CFAP299: variants seen among roughly 807,000 people sequenced by gnomAD.
CFAP299 encodes the protein cilia- and flagella-associated protein 299.
CFAP299 carries 21 observed loss-of-function variants against 27.0 expected under a neutral mutation model. The ratio of observed to expected loss-of-function variants is 0.78; its 90% CI spans 0.55 to 1.12. The LOEUF (loss-of-function observed/expected upper bound fraction) is 1.12. Among genes scored for constraint, CFAP299 ranks in the 50% most tolerant of loss-of-function variants. The pLI, the probability that CFAP299 is intolerant of heterozygous loss-of-function variation, is 0.00. For synonymous variants in CFAP299, 104 were observed against 98.1 expected (o/e 1.06, Z -0.36); for missense variants, 310 against 276.6 (o/e 1.12, Z -0.86).
chr4:80,697,113 G>A (rs1721149246), intron 3 of CFAP299, among the ~76,000 whole-genome samples: 1 of 152,140 alleles, frequency 6.6e-6, no homozygotes, highest in Non-Finnish European at 1.5e-5. Flanking sequence ...GGAGGCCAAG[G>A]CAGGAGGATT....
chr4:80,726,557 A>T (rs1468497890), intron 3 of CFAP299, among the ~76,000 whole-genome samples: 1 of 151,994 alleles, frequency 6.6e-6, no homozygotes, highest in Non-Finnish European at 1.5e-5. Context: ...AAAGGAAAAG[A>T]AACTGTATCA....
intron 3 of CFAP299, among the ~76,000 whole-genome samples, chr4:80,590,020 T>TA (rs1736642557): frequency 6.6e-6 from 1 of 152,192 alleles, no homozygotes; most frequent in African/African-American, 2.4e-5. Flanking sequence ...GCATTGCTCA[T>TA]AATAGCAGCA....
intron 1 of CFAP299, among the ~76,000 whole-genome samples, chr4:80,356,311 A>C (rs1299195389): frequency 6.6e-6 from 1 of 152,196 alleles, no homozygotes; most frequent in Non-Finnish European, 1.5e-5. Context: ...TATCCTGACT[A>C]TATGAGCCCT....
intron 3 of CFAP299, among the ~76,000 whole-genome samples, chr4:80,859,065 C>G (rs1022753672): frequency 3.9e-5 from 6 of 152,160 alleles, no homozygotes; most frequent in Non-Finnish European, 5.9e-5. Flanking sequence ...GTAGGTCACT[C>G]AGGAGTTGCT....
chr4:80,466,019 A>G (rs1560579832), intron 2 of CFAP299, among the ~76,000 whole-genome samples: 1 of 152,262 alleles, frequency 6.6e-6, no homozygotes, highest in East Asian at 1.9e-4. Flanking sequence ...CTGGGAAGAA[A>G]GAGATCTTCA....
intron 3 of CFAP299, among the ~76,000 whole-genome samples, chr4:80,591,062 A>G (rs1028163322): frequency 6.8e-5 from 10 of 148,094 alleles, no homozygotes; most frequent in Non-Finnish European, 1.3e-4. Flanking sequence ...AATATTTTAT[A>G]GTCATACATG....
chr4:80,676,189 T>C (rs1719442577), intron 3 of CFAP299, among the ~76,000 whole-genome samples: 1 of 152,144 alleles, frequency 6.6e-6, no homozygotes, highest in South Asian at 2.1e-4. Flanking sequence ...TTTTATGGGA[T>C]TTTTATAGCA....
intron 3 of CFAP299, among the ~76,000 whole-genome samples, chr4:80,620,981 T>C (rs1418494056): frequency 6.6e-6 from 1 of 152,108 alleles, no homozygotes; most frequent in Non-Finnish European, 1.5e-5. Flanking sequence ...GGTTGCTACT[T>C]CCAAGTTCCG....
At chr4:80,388,610 T>C in intron 2 of CFAP299, 1 of 1,405,786 alleles carries the variant, frequency 7.1e-7, no homozygotes, top group South Asian at 1.2e-5. Context: ...ATTGACACTC[T>C]GGCCTCTGGG....
intron 2 of CFAP299, among the ~76,000 whole-genome samples, chr4:80,432,699 A>AT (rs1166961605): frequency 1.3e-5 from 2 of 151,140 alleles, no homozygotes; most frequent in African/African-American, 4.9e-5. Flanking sequence ...CGCCTGGCTA[A>AT]TTTTTTGTAT....
At chr4:80,882,615 G>A (rs2110177774) in intron 4 of CFAP299, among the ~76,000 whole-genome samples, 1 of 149,544 alleles carries the variant, frequency 6.7e-6, no homozygotes, top group South Asian at 2.1e-4. Flanking sequence ...TCAGGCTTGG[G>A]CAAAAGAGCG....
chr4:80,503,644 A>T (rs753602987), intron 2 of CFAP299, among the ~76,000 whole-genome samples: 3 of 152,134 alleles, frequency 2.0e-5, no homozygotes, highest in Non-Finnish European at 2.9e-5. Flanking sequence ...AAAGGCCTAG[A>T]ACGGTGGCTA....
intron 3 of CFAP299, among the ~76,000 whole-genome samples, chr4:80,835,583 T>G (rs1730520319): frequency 6.6e-6 from 1 of 152,080 alleles, no homozygotes; most frequent in Non-Finnish European, 1.5e-5. Context: ...AACCTATGAG[T>G]GTCCTCTTAT....
intron 2 of CFAP299, among the ~76,000 whole-genome samples, chr4:80,427,786 G>A (rs991856331): frequency 3.9e-5 from 6 of 152,040 alleles, no homozygotes; most frequent in Admixed American, 3.3e-4. Context: ...AGGCATTCAG[G>A]ACATTTTATT....
At chr4:80,748,943 A>G (rs945219963) in intron 3 of CFAP299, among the ~76,000 whole-genome samples, 4 of 152,178 alleles carry the variant, frequency 2.6e-5, no homozygotes, top group Non-Finnish European at 5.9e-5. Flanking sequence ...CCCACACATA[A>G]TACAACAGTA....
intron 2 of CFAP299, among the ~76,000 whole-genome samples, chr4:80,479,548 A>G (rs1216789844): frequency 6.6e-6 from 1 of 152,038 alleles, no homozygotes; most frequent in Non-Finnish European, 1.5e-5. Flanking sequence ...TGTTTCTATC[A>G]TTAATTTCAA....
At chr4:80,847,404 T>C (rs1285767561) in intron 3 of CFAP299, among the ~76,000 whole-genome samples, 1 of 152,156 alleles carries the variant, frequency 6.6e-6, no homozygotes, top group Non-Finnish European at 1.5e-5. Flanking sequence ...TCCCTCTCCT[T>C]TTTGGGTTCT....
chr4:80,755,278 G>A (rs1725172903), intron 3 of CFAP299, among the ~76,000 whole-genome samples: 1 of 151,958 alleles, frequency 6.6e-6, no homozygotes, highest in African/African-American at 2.4e-5. Context: ...GGCTCCTATA[G>A]AGTCAGTTCT....
At chr4:80,677,392 A>G (rs918164646) in intron 3 of CFAP299, among the ~76,000 whole-genome samples, 10 of 151,936 alleles carry the variant, frequency 6.6e-5, no homozygotes, top group African/African-American at 2.4e-4. Context: ...GAAGTTTTTC[A>G]TATTTACTAA....
Sources: gnomAD v4.1 joint callset for allele counts (sites outside exome capture counted in the v4.1 genomes callset) on GRCh38, gnomAD v4.1.1 for gene constraint, MANE v1.5 for transcripts, NCBI Gene and HGNC (gene_info 2026-07-23, HGNC 2026-07-21) for gene names.